The following DYNC2H1 variants were observed in gnomAD, a reference collection of about 807,000 sequenced individuals.
DYNC2H1 encodes the protein dynein cytoplasmic 2 heavy chain 1.
In DYNC2H1, 410 loss-of-function variants were observed where a neutral mutation model predicts 570.0. That is an observed-to-expected ratio of 0.72 (90% CI 0.66 to 0.78). The LOEUF (loss-of-function observed/expected upper bound fraction) is 0.78, where lower values mean the gene tolerates loss of function less well. DYNC2H1 is among the 30% of genes least tolerant of loss of function. DYNC2H1 has a pLI of 0.00. For missense variants in DYNC2H1, 4,865 were observed against 5,046.4 expected, an observed-to-expected ratio of 0.96 and a Z score of 1.09; for synonymous variants, 1,688 against 1,677.6, an observed-to-expected ratio of 1.01 and a Z score of -0.15.
intron 31 of DYNC2H1, among the ~76,000 whole-genome samples, chr11:103,168,200 G>T (rs1410940905): frequency 1.3e-5 from 2 of 152,166 alleles, no homozygotes; most frequent in Non-Finnish European, 2.9e-5. Flanking sequence ...GGTCCCAGCT[G>T]CCAGTGGGAT....
At chr11:103,304,813 G>T in intron 77 of DYNC2H1, 93 bp downstream of exon 77, 1 of 1,243,254 alleles carries the variant, frequency 8.0e-7, no homozygotes, top group Admixed American at 2.9e-5. Flanking sequence ...CATTATTTAT[G>T]ATGATTTAAA....
chr11:103,366,153 G>T (rs313378), intron 83 of DYNC2H1, among the ~76,000 whole-genome samples: 1 of 152,182 alleles, frequency 6.6e-6, no homozygotes, highest in South Asian at 2.1e-4. Context: ...TCATCTTTTG[G>T]TTGGAACATT....
rs924940803 is a variant in DYNC2H1 at position 103,289,731 on chromosome 11, A to G, written c.11095+2126A>G. On this transcript the variant is annotated intron_variant, in intron 75 of 88. Transcript: ENST00000375735. The surrounding 1 kb of genome is among the most constrained non-coding windows in gnomAD (Gnocchi z 4.2). ...AGCTGTGATTCTGTCACCACATCCC[A>G]GCGTGGACAGCAGAGCAAGACCTCA... 2.0e-5 allele frequency among the ~76,000 whole-genome samples: 3 copies of G among 152,168 alleles called. No individual in the cohort carries two copies. Among genetic ancestry groups the G allele is most frequent in the African/African-American group, 7.2e-5 (3 of 41,448 alleles).
rs549857306 is a variant in DYNC2H1 at position 103,181,309 on chromosome 11, G to T, written c.6348-448G>T. Among the ~76,000 whole-genome samples the T allele has an allele frequency of 1.3e-5, 2 of 151,628 alleles. No homozygotes were observed. Among genetic ancestry groups the T allele is most frequent in the South Asian group, 2.1e-4 (1 of 4,818 alleles). ...TAATGTGCATTTGAATCATCAAGGG[G>T]TCTTATTAAAATGAAGATTTTTGCT... On this transcript the variant is annotated intron_variant, in intron 39 of 88. Coordinates refer to ENST00000375735, the MANE Select transcript of DYNC2H1 (RefSeq NM_001377.3). This position sits in a 1 kb window ranked among gnomAD's most constrained non-coding sequence, Gnocchi z 5.0.
chr11:103,155,312 T>C lies in DYNC2H1; in HGVS notation c.3574-19T>C, dbSNP rs575126324. On this transcript the variant is annotated intron_variant, in intron 24 of 88. Coordinates refer to ENST00000375735, the MANE Select transcript of DYNC2H1 (RefSeq NM_001377.3). Reference sequence around the variant, plus strand: ...ATATGTGTATACATATGACTTTTTCTTTTTTTTTTTTGTAACAGATCGTAA... The same window carrying C: ...ATATGTGTATACATATGACTTTTTCCTTTTTTTTTTTGTAACAGATCGTAA... The C allele has an allele frequency of 2.0e-4, 4 of 19,546 alleles. No homozygotes were observed. The South Asian group carries it at 3.4e-3, about 17-fold the overall frequency. 1.2% of individuals were successfully genotyped at this position (19,546 alleles called of 1,614,324 possible). A position where few individuals can be genotyped will look rare whatever the true frequency, so the allele number is the denominator to read the frequency against.
intron 83 of DYNC2H1, among the ~76,000 whole-genome samples, chr11:103,399,309 ATT>A (rs771285549): frequency 1.3e-4 from 12 of 93,724 alleles, no homozygotes; most frequent in Non-Finnish European, 1.4e-4. Context: ...TATTCGGCTA[ATT>A]TTTTTTTTTT....
At chr11:103,464,744 T>C (rs564032606) in intron 87 of DYNC2H1, among the ~76,000 whole-genome samples, 4 of 152,140 alleles carry the variant, frequency 2.6e-5, no homozygotes, top group Non-Finnish European at 5.9e-5. Flanking sequence ...AATAAGAGAC[T>C]TTAGGAACCC....
rs539824199 is a variant in DYNC2H1 at position 103,202,968 on chromosome 11, G to A, written c.8198-695G>A. Among the ~76,000 whole-genome samples, 6 of 152,156 alleles carry A rather than the reference G, an allele frequency of 3.9e-5. No homozygotes were observed. The South Asian group carries it at 1.2e-3, about 32-fold the overall frequency. On this transcript the variant is annotated intron_variant, in intron 50 of 88. Transcript: ENST00000375735. The stretch of plus-strand genomic sequence containing the variant: ...TCATCATGATTTGGCCTGCATAGTA[G>A]CAGGCCATGGACCAGTTCTTCTGAT...
At chr11:103,372,401 A>G (rs775419598) in intron 83 of DYNC2H1, among the ~76,000 whole-genome samples, 3 of 152,102 alleles carry the variant, frequency 2.0e-5, no homozygotes, top group Non-Finnish European at 4.4e-5. Context: ...GTTGAGGTAG[A>G]TAACTTCTGT....
chr11:103,125,382 TTTTA>T, intron 12 of DYNC2H1, 87 bp downstream of exon 12: 1 of 1,124,430 alleles, frequency 8.9e-7, no homozygotes, highest in Non-Finnish European at 1.2e-6. Context: ...TTTTTTTTTT[TTTTA>T]GGCTCATAGA....
At position 103,335,558 on chromosome 11, in the gene DYNC2H1, A is replaced by T. The variant is rs1221948166; in HGVS notation, c.12039+11568A>T. 5.3e-5 allele frequency among the ~76,000 whole-genome samples: 8 copies of T among 152,238 alleles called. No homozygotes were observed. The East Asian group carries it at 1.5e-3, about 29-fold the overall frequency. On this transcript the variant is annotated intron_variant, in intron 82 of 88. Transcript: ENST00000375735. ...TTTTTAAATGGGAACCTGTACAAGG[A>T]ATCTCTTTAAGTCTAAGTACAGTCA...
rs199960819 is a variant in DYNC2H1, at chr11:103,115,228, G to A, written c.554G>A (p.Arg185His). 9.4e-5 allele frequency: 152 copies of A among 1,610,366 alleles called. No individual in the cohort carries two copies. In the African/African-American group the frequency reaches 1.4e-3, roughly 15 times the overall value. ...CAGTTTTGGATAGAACAAGCTCACC[G>A]TGGAAATAAACAGATTAGTAAAGAA... ...EFQFWIEQAH[R>H]GNKQISKERA... Residue 185 changes from arginine (R) to histidine (H), a missense_variant, in exon 4 of 89, where the codon CGT becomes CAT. By Grantham distance (29) the Arg-to-His change is conservative (BLOSUM62 0). Around this residue, in one of 5 missense-constraint regions of DYNC2H1, gnomAD observed 1,936 missense variants for 1,962.1 expected, o/e 0.99. Transcript: ENST00000375735.
chr11:103,328,208 C>T (rs1028888828), intron 82 of DYNC2H1, among the ~76,000 whole-genome samples: 6 of 152,110 alleles, frequency 3.9e-5, no homozygotes, highest in African/African-American at 4.8e-5. Flanking sequence ...TTGGTTAACA[C>T]TTATTTTCTT....
At chr11:103,191,720 A>C (rs910577991) in intron 46 of DYNC2H1, 101 bp downstream of exon 46, 4 of 480,364 alleles carry the variant, frequency 8.3e-6, no homozygotes, top group African/African-American at 6.0e-5. Flanking sequence ...ATTATATCAC[A>C]AGTTATATTA....
At chr11:103,351,595 T>C (rs933491634) in intron 82 of DYNC2H1, among the ~76,000 whole-genome samples, 4 of 151,388 alleles carry the variant, frequency 2.6e-5, no homozygotes, top group Admixed American at 6.6e-5. Context: ...GAGAAGATTA[T>C]ATATTTTTTC....
chr11:103,126,970 G>T (rs1859035453), intron 12 of DYNC2H1, among the ~76,000 whole-genome samples: 1 of 152,142 alleles, frequency 6.6e-6, no homozygotes, highest in Admixed American at 6.6e-5. Context: ...TGAACAAGTA[G>T]ATCAATATTT....
intron 82 of DYNC2H1, among the ~76,000 whole-genome samples, chr11:103,350,117 A>T (rs2135507378): frequency 6.6e-6 from 1 of 152,244 alleles, no homozygotes; most frequent in African/African-American, 2.4e-5. Context: ...GTTGAACATC[A>T]TCATTGTACA....
intron 88 of DYNC2H1, among the ~76,000 whole-genome samples, chr11:103,477,539 A>G (rs1332693028): frequency 6.6e-6 from 1 of 152,144 alleles, no homozygotes; most frequent in Non-Finnish European, 1.5e-5. Context: ...CTAGAATTAA[A>G]ATTATCAATT....
chr11:103,109,744 A>C lies in DYNC2H1; in HGVS notation c.170A>C (p.Asp57Ala), dbSNP rs1220508526. ...ATGCTCCTCAGGGTGCAGCGATCCG[A>C]CGCAGGAATCTCCTTTTCCAACACG... ...NQMLLRVQRS[D>A]AGISFSNTIE... is the part of the protein sequence containing the mutation. Residue 57 changes from aspartate (D) to alanine (A), a missense_variant, in exon 1 of 89, where the codon GAC becomes GCC. Physicochemically the swap from Asp to Ala is moderately radical, Grantham distance 126. Coordinates refer to ENST00000375735, the MANE Select transcript of DYNC2H1 (RefSeq NM_001377.3). 12 of 1,613,634 alleles carry C rather than the reference A, an allele frequency of 7.4e-6. No individual in the cohort carries two copies. The South Asian group carries it at 1.3e-4, about 18-fold the overall frequency.
Sources: gnomAD v4.1 joint callset for allele counts (sites outside exome capture counted in the v4.1 genomes callset) on GRCh38, gnomAD v4.1.1 for gene constraint, gnomAD v4.1.1 regional missense constraint, Gnocchi (gnomAD v3.1) non-coding constraint, MANE v1.5 for transcripts, NCBI Gene and HGNC (gene_info 2026-07-23, HGNC 2026-07-21) for gene names.